Variants in HIP1 observed in about 807,000 individuals in gnomAD.
HIP1 encodes the protein huntingtin-interacting protein 1.
Under a neutral mutation model 147.6 loss-of-function variants are expected in HIP1, and 65 were observed. The ratio of observed to expected loss-of-function variants is 0.44; its 90% CI spans 0.36 to 0.54. HIP1 has a LOEUF of 0.54. Ranked by LOEUF, HIP1 falls within the 20% of genes least tolerant of loss-of-function variation. The pLI, the probability that HIP1 is intolerant of heterozygous loss-of-function variation, is 0.00. For missense variants in HIP1, 1,061 were observed against 1,299.6 expected, an observed-to-expected ratio of 0.82 and a Z score of 2.82; for synonymous variants, 479 against 504.0, an observed-to-expected ratio of 0.95 and a Z score of 0.67.
chr7:75,545,326 A>G, intron 25 of HIP1, 138 bp from the exon 26 acceptor site: 1 of 650,500 alleles, frequency 1.5e-6, no homozygotes, highest in Non-Finnish European at 2.7e-6. Context: ...TTTTACAAAA[A>G]AGAAGAAGAT....
At chr7:75,543,038 A>T in intron 27 of HIP1, 64 bp from the exon 28 acceptor site, 1 of 1,526,248 alleles carries the variant, frequency 6.6e-7, no homozygotes, top group South Asian at 1.2e-5. Context: ...GAATCAGATA[A>T]TTGCTCTGAT....
rs1194785636 is a variant in HIP1 at position 75,549,855 on chromosome 7, T to A, written c.2296-854A>T. On this transcript the variant is annotated intron_variant, in intron 22 of 30. Transcript: ENST00000336926. ...CGGATAATTGTTTTTTTTTTTTTTT[T>A]AATAGAGATGGGGTCTCACTATGTT... Among the ~76,000 whole-genome samples, 60 of 128,218 alleles carry A rather than the reference T, an allele frequency of 4.7e-4. 3 individuals are homozygous for A. The highest frequency in any genetic ancestry group is 1.7e-4 in the Non-Finnish European group (10 of 59,136). 84.1% of individuals were successfully genotyped at this position (128,218 alleles called of 152,430 possible).
At chr7:75,590,051 C>A (rs1459930851) in intron 4 of HIP1, among the ~76,000 whole-genome samples, 1 of 152,032 alleles carries the variant, frequency 6.6e-6, no homozygotes, top group African/African-American at 2.4e-5. Context: ...CATTCTTAAA[C>A]AAGCAAACAC....
chr7:75,562,452 A>G (rs2116844529), intron 11 of HIP1, among the ~76,000 whole-genome samples: 1 of 151,976 alleles, frequency 6.6e-6, no homozygotes, highest in Middle Eastern at 3.4e-3. Context: ...CCATACCTGG[A>G]TAATTTTTTT....
intron 1 of HIP1, among the ~76,000 whole-genome samples, chr7:75,687,812 A>G (rs1800317333): frequency 6.6e-6 from 1 of 151,948 alleles, no homozygotes; most frequent in Non-Finnish European, 1.5e-5. Flanking sequence ...CCTCCTTTCC[A>G]TGGTGCCTTC....
chr7:75,682,081 T>A (rs994510209), intron 1 of HIP1, among the ~76,000 whole-genome samples: 1 of 135,534 alleles, frequency 7.4e-6, no homozygotes, highest in East Asian at 2.2e-4. Context: ...CAGGCTGGAG[T>A]GCAATGGTAC....
chr7:75,562,234 G>A (rs781896600), intron 11 of HIP1, 64 bp from the exon 12 acceptor site: 2 of 1,056,196 alleles, frequency 1.9e-6, no homozygotes, highest in Non-Finnish European at 3.0e-6. Flanking sequence ...GTGTGGGTCA[G>A]TTGAGTGATA....
chr7:75,646,098 G>A (rs1048384100), intron 1 of HIP1, among the ~76,000 whole-genome samples: 1 of 150,020 alleles, frequency 6.7e-6, no homozygotes, highest in East Asian at 1.9e-4. Context: ...TTTTTTTTTT[G>A]AGATAGAGTC....
chr7:75,655,563 CAG>C (rs2117198412), intron 1 of HIP1, among the ~76,000 whole-genome samples: 1 of 150,074 alleles, frequency 6.7e-6, no homozygotes, highest in East Asian at 2.0e-4. Context: ...GCCTGGGTGA[CAG>C]AGTGAGCTCT....
intron 1 of HIP1, among the ~76,000 whole-genome samples, chr7:75,697,445 AT>A (rs1451557484): frequency 6.6e-6 from 1 of 152,094 alleles, no homozygotes; most frequent in Non-Finnish European, 1.5e-5. Flanking sequence ...AAAATTAATA[AT>A]TTTTTAGTAA....
intron 1 of HIP1, among the ~76,000 whole-genome samples, chr7:75,612,669 C>T (rs113459072): frequency 4.8e-4 from 71 of 146,844 alleles, no homozygotes; most frequent in African/African-American, 1.8e-3. Context: ...ATTAGCCAGG[C>T]CTGGTGGTGG....
At chr7:75,630,090 T>C (rs587617415) in intron 1 of HIP1, among the ~76,000 whole-genome samples, 2 of 151,510 alleles carry the variant, frequency 1.3e-5, no homozygotes, top group East Asian at 3.9e-4. Context: ...CCTGGGAGGT[T>C]GAGGCTGCAG....
chr7:75,681,754 A>T (rs1584946942), intron 1 of HIP1, among the ~76,000 whole-genome samples: 2 of 148,840 alleles, frequency 1.3e-5, no homozygotes, highest in South Asian at 4.2e-4. Flanking sequence ...CGATTCTCCC[A>T]CCTCCCAAAG....
intron 18 of HIP1, 45 bp downstream of exon 18, chr7:75,555,981 G>C (rs1794987423): frequency 3.1e-6 from 5 of 1,607,320 alleles, no homozygotes; most frequent in Non-Finnish European, 4.3e-6. Flanking sequence ...GAGGCCCTCG[G>C]TGGGAATTCA....
intron 1 of HIP1, among the ~76,000 whole-genome samples, chr7:75,608,168 C>T (rs990809427): frequency 2.0e-5 from 3 of 152,010 alleles, no homozygotes; most frequent in African/African-American, 4.8e-5. Flanking sequence ...ATTAGCCGGG[C>T]GTGGTGGTGG....
intron 1 of HIP1, among the ~76,000 whole-genome samples, chr7:75,632,146 T>C (rs1311053020): frequency 2.6e-5 from 4 of 152,210 alleles, no homozygotes; most frequent in Admixed American, 6.5e-5. Context: ...CAAATGTCTA[T>C]TGATGCGTGG....
chr7:75,673,221 C>T (rs1223422603), intron 1 of HIP1, among the ~76,000 whole-genome samples: 6 of 151,986 alleles, frequency 3.9e-5, no homozygotes, highest in South Asian at 2.1e-4. Flanking sequence ...CAGAGTTTCA[C>T]TATATTGACC....
intron 1 of HIP1, among the ~76,000 whole-genome samples, chr7:75,671,033 T>C (rs1799716598): frequency 6.6e-6 from 1 of 152,134 alleles, no homozygotes; most frequent in Admixed American, 6.6e-5. Flanking sequence ...TTATTGCACT[T>C]AGCATAATGT....
intron 1 of HIP1, among the ~76,000 whole-genome samples, chr7:75,627,531 T>C (rs1437888179): frequency 1.3e-5 from 2 of 151,980 alleles, no homozygotes; most frequent in African/African-American, 4.8e-5. Context: ...AACATGAAAA[T>C]AGGAATCACA....
Sources: gnomAD v4.1 joint callset for allele counts (sites outside exome capture counted in the v4.1 genomes callset) on GRCh38, gnomAD v4.1.1 for gene constraint, MANE v1.5 for transcripts, NCBI Gene and HGNC (gene_info 2026-07-23, HGNC 2026-07-21) for gene names.